RLN1: variants seen among roughly 807,000 people sequenced by gnomAD.
RLN1 encodes the protein prorelaxin H1.
A neutral mutation model predicts 7.2 loss-of-function variants in RLN1; 4 were observed. That is an observed-to-expected ratio of 0.56 (90% confidence interval 0.28 to 1.28). The LOEUF is 1.28. Among genes scored for constraint, RLN1 ranks in the 50% most tolerant of loss-of-function variants. The probability of loss-of-function intolerance (pLI) is 0.11; values close to 1 mark genes in which losing one functional copy is unlikely to be tolerated. For synonymous variants in RLN1, 105 were observed against 86.0 expected, an observed-to-expected ratio of 1.22 and a Z score of -1.22; for missense variants, 293 against 221.1, an observed-to-expected ratio of 1.32 and a Z score of -2.06.
At chr9:5,336,170 C>T (rs1482882703) in intron 1 of RLN1, among the ~76,000 whole-genome samples, 1 of 152,024 alleles carries the variant, frequency 6.6e-6, no homozygotes, top group Non-Finnish European at 1.5e-5. Flanking sequence ...GTTCCTCAAT[C>T]ATCTATTTAA....
At position 5,339,589 on chromosome 9, in the gene RLN1, C is replaced by G; in HGVS notation, c.158G>C (p.Ser53Thr). The G allele has an allele frequency of 1.2e-6, 2 of 1,609,940 alleles. No individual in the cohort carries two copies. Among genetic ancestry groups the G allele is most frequent in the Non-Finnish European group, 8.5e-7 (1 of 1,179,132 alleles). ...ATCTTCCTGGCTCAGAGACCTTTTG[C>G]TCCAGGTGCTCATGCCGCAAATGGC... ...QIAICGMSTWSKRSLSQEDAP... is the reference protein window; with the variant it reads ...QIAICGMSTWTKRSLSQEDAP... Residue 53 changes from serine (S) to threonine (T), a missense_variant, in exon 1 of 2, where the codon AGC becomes ACC. Ser to Thr is a moderately conservative substitution (Grantham distance 58). Transcript: ENST00000223862.
chr9:5,336,069 C>T (rs563790639), intron 1 of RLN1, among the ~76,000 whole-genome samples: 1 of 152,050 alleles, frequency 6.6e-6, no homozygotes, highest in Admixed American at 6.6e-5. Flanking sequence ...CTCAATGTTT[C>T]GTGGTGGGAA....
intron 1 of RLN1, 29 bp downstream of exon 1, chr9:5,339,507 G>A (rs1816946086): frequency 2.7e-6 from 4 of 1,481,222 alleles, no homozygotes; most frequent in Admixed American, 4.1e-5. Flanking sequence ...GGAAGCGCGG[G>A]AAGGCCGGGA....
intron 1 of RLN1, among the ~76,000 whole-genome samples, chr9:5,337,283 C>T (rs1469698743): frequency 3.3e-5 from 5 of 151,850 alleles, no homozygotes; most frequent in Admixed American, 2.0e-4. Flanking sequence ...AATGAATCAG[C>T]CAAAACAGTT....
In RLN1 at chr9:5,335,463, C is replaced by G. The variant is rs1586674991; in HGVS notation, c.346G>C (p.Val116Leu). 1 of 1,613,564 alleles carries G rather than the reference C, an allele frequency of 6.2e-7. No individual in the cohort carries two copies. Among genetic ancestry groups the G allele is most frequent in the Non-Finnish European group, 8.5e-7 (1 of 1,179,656 alleles). The change falls in exon 2 of 2, where the codon GTA (valine) becomes CTA (leucine). Residue 116 changes from valine (V) to leucine (L), a missense_variant. Val to Leu is a conservative substitution (Grantham distance 32, BLOSUM62 1). Coordinates refer to ENST00000223862, the MANE Select transcript of RLN1 (RefSeq NM_006911.4). ...AGATTGGAATCCTTTAATGCAGGTACATACTGCTGTAGCTCTGGTAATGAT... is the reference window on the plus strand; with the variant it reads ...AGATTGGAATCCTTTAATGCAGGTAGATACTGCTGTAGCTCTGGTAATGAT... ...QPSLPELQQY[V>L]PALKDSNLSF...
At chr9:5,340,067 G>A (rs1816961568), upstream of RLN1, among the ~76,000 whole-genome samples, 1 of 152,082 alleles carries the variant, frequency 6.6e-6, no homozygotes, top group Admixed American at 6.5e-5. Flanking sequence ...AAACAACTTT[G>A]TATACTTAGG....
chr9:5,335,339 G>T lies in RLN1; in HGVS notation c.470C>A (p.Ser157Tyr), dbSNP rs774289575. ...CACGTAGGGTCGTCTCTTTTTTTGAGAATGAGTATCCAAGCCTAAGTATTT... is the reference window on the plus strand; with the variant it reads ...CACGTAGGGTCGTCTCTTTTTTTGATAATGAGTATCCAAGCCTAAGTATTT... ...ELKYLGLDTH[S>Y]QKKRRPYVAL... Residue 157 changes from serine (S) to tyrosine (Y), a missense_variant, in exon 2 of 2, where the codon TCT becomes TAT. Ser to Tyr is a moderately radical substitution (Grantham distance 144, BLOSUM62 -2). Transcript: ENST00000223862. 6.2e-7 allele frequency: 1 copy of T among 1,612,468 alleles called. No individual in the cohort carries two copies. The highest frequency in any genetic ancestry group is 8.5e-7 in the Non-Finnish European group (1 of 1,179,534).
chr9:5,340,567 AG>A (rs1444793035), upstream of RLN1, among the ~76,000 whole-genome samples: 1 of 152,250 alleles, frequency 6.6e-6, no homozygotes, highest in Non-Finnish European at 1.5e-5. Flanking sequence ...AGAAAGAAGA[AG>A]GGGAAAAAAA....
chr9:5,339,913 G>T, upstream of RLN1: 1 of 676,134 alleles, frequency 1.5e-6, no homozygotes, highest in South Asian at 1.9e-5. Flanking sequence ...TTAAGGCAAG[G>T]TTGCCAGCTC....
At chr9:5,338,244 C>A (rs1265589102) in intron 1 of RLN1, among the ~76,000 whole-genome samples, 1 of 60,684 alleles carries the variant, frequency 1.6e-5, no homozygotes, top group African/African-American at 6.5e-5. Flanking sequence ...GCAATGCAAT[C>A]CGGTCTTCTC....
chr9:5,340,620 C>G (rs1816972458), upstream of RLN1, among the ~76,000 whole-genome samples: 1 of 152,132 alleles, frequency 6.6e-6, no homozygotes, highest in Non-Finnish European at 1.5e-5. Flanking sequence ...ATTTTGATAA[C>G]AAATTACAGC....
chr9:5,335,304 C>G lies in RLN1; in HGVS notation c.505G>C (p.Glu169Gln). The part of the protein sequence containing the change: ...KKRRPYVALF[E>Q]KCCLIGCTKR... ...GTACAACCAATTAGGCAACATTTCT[C>G]AAACAGTGCCACGTAGGGTCGTCTC... The change falls in exon 2 of 2, where the codon GAG becomes CAG. Residue 169 changes from glutamate to glutamine, a missense_variant. Physicochemically the swap from Glu to Gln is conservative, Grantham distance 29. Transcript: ENST00000223862. 1 of 1,603,762 alleles carries G rather than the reference C, an allele frequency of 6.2e-7. No individual in the cohort carries two copies. The highest frequency in any genetic ancestry group is 1.1e-5 in the South Asian group (1 of 87,956).
intron 1 of RLN1, among the ~76,000 whole-genome samples, chr9:5,337,294 A>T (rs1176472594): frequency 3.3e-5 from 5 of 152,096 alleles, no homozygotes; most frequent in African/African-American, 9.7e-5. Flanking sequence ...CAAAACAGTT[A>T]TAGATTGTAT....
chr9:5,340,824 C>A (rs879747720), upstream of RLN1, among the ~76,000 whole-genome samples: 18 of 152,098 alleles, frequency 1.2e-4, no homozygotes, highest in Admixed American at 1.3e-4. Context: ...AACTTACTTG[C>A]TTGTGTTCAT....
At chr9:5,338,160 C>A (rs1469146558) in intron 1 of RLN1, among the ~76,000 whole-genome samples, 1 of 111,510 alleles carries the variant, frequency 9.0e-6, no homozygotes, top group Non-Finnish European at 1.8e-5. Flanking sequence ...TTTCACGCTG[C>A]ATTAATGTAC....
At chr9:5,336,076 G>C (rs952481941) in intron 1 of RLN1, among the ~76,000 whole-genome samples, 2 of 151,912 alleles carry the variant, frequency 1.3e-5, no homozygotes, top group Non-Finnish European at 2.9e-5. Flanking sequence ...TTTCGTGGTG[G>C]GAATTTACTC....
chr9:5,335,499 CAGAT>C lies in RLN1; in HGVS notation c.306_309del (p.Ser103ArgfsTer16). The C allele has an allele frequency of 1.2e-6, 2 of 1,613,192 alleles. No individual in the cohort carries two copies. The highest frequency in any genetic ancestry group is 8.5e-7 in the Non-Finnish European group (1 of 1,179,348). Reference sequence around the variant, plus strand: ...AGCTCTGGTAATGATGGTTGCCTCTCAGATAGGGCTGCCTTCAGCTCCGGTGGCA... The same window carrying C: ...AGCTCTGGTAATGATGGTTGCCTCTCAGGGCTGCCTTCAGCTCCGGTGGCA... On this transcript the variant is annotated frameshift_variant, in exon 2 of 2. Coordinates refer to ENST00000223862, the MANE Select transcript of RLN1 (RefSeq NM_006911.4). LOFTEE classifies it low-confidence loss of function (END_TRUNC).
At chr9:5,336,802 A>G (rs1816903701) in intron 1 of RLN1, among the ~76,000 whole-genome samples, 1 of 151,968 alleles carries the variant, frequency 6.6e-6, no homozygotes, top group Admixed American at 6.6e-5. Context: ...AGAGAGGAGT[A>G]AATCTAAGTG....
At position 5,335,457 on chromosome 9, in the gene RLN1, C is replaced by A. The variant is rs1586674953; in HGVS notation, c.352G>T (p.Ala118Ser). ...SLPELQQYVP[A>S]LKDSNLSFEE... ...AAGCTAAGATTGGAATCCTTTAATG[C>A]AGGTACATACTGCTGTAGCTCTGGT... Residue 118 changes from alanine to serine, a missense_variant, in exon 2 of 2, where the codon GCA becomes TCA. Transcript: ENST00000223862. 4 of 1,613,596 alleles carry A rather than the reference C, an allele frequency of 2.5e-6. No individual in the cohort carries two copies. Among genetic ancestry groups the A allele is most frequent in the East Asian group, 4.5e-5 (2 of 44,866 alleles).
Sources: allele counts gnomAD v4.1 joint callset (sites outside exome capture counted in the v4.1 genomes callset), GRCh38; gene constraint gnomAD v4.1.1; transcripts MANE v1.5; gene names NCBI Gene and HGNC (gene_info 2026-07-23, HGNC 2026-07-21).